Variants in ME1 observed in about 807,000 individuals in gnomAD.
ME1 encodes NADP-dependent malic enzyme.
A neutral mutation model predicts 66.4 loss-of-function variants in ME1; 74 were observed. That is an observed-to-expected ratio of 1.11 (90% CI 0.92 to 1.35). The LOEUF is 1.35. Ranked by LOEUF, ME1 falls within the 40% of genes most tolerant of loss-of-function variation. The pLI is 0.00. For synonymous variants in ME1, 251 were observed against 235.6 expected (o/e 1.07, Z -0.60); for missense variants, 750 against 694.1 (o/e 1.08, Z -0.90).
rs568902030 is a variant in ME1 at position 83,229,636 on chromosome 6, G to A, written c.1027-705C>T. On this transcript the variant is annotated intron_variant, in intron 9 of 13. Coordinates refer to ENST00000369705, the MANE Select transcript of ME1 (RefSeq NM_002395.6). The stretch of plus-strand genomic sequence containing the variant: ...ATAAGTATAGTCATTTTACATATGC[G>A]GAAACATGTTCAGAGGTTTTAAGGG... Among the ~76,000 whole-genome samples, 4 of 152,128 alleles carry A rather than the reference G, an allele frequency of 2.6e-5. No homozygotes were observed. The South Asian group carries it at 6.2e-4, about 24-fold the overall frequency.
At chr6:83,342,195 T>G (rs1422570949) in intron 5 of ME1, among the ~76,000 whole-genome samples, 1 of 152,240 alleles carries the variant, frequency 6.6e-6, no homozygotes, top group African/African-American at 2.4e-5. Context: ...AGCGGGTATT[T>G]GGACCTTAGA....
At chr6:83,308,708 A>T (rs1298036005) in intron 6 of ME1, among the ~76,000 whole-genome samples, 1 of 151,170 alleles carries the variant, frequency 6.6e-6, no homozygotes, top group African/African-American at 2.4e-5. Context: ...GAAACTAGGG[A>T]TATGGCAGTG....
In ME1 at chr6:83,211,414, T is replaced by C. The variant is rs1477046289; in HGVS notation, c.*510A>G. 6.6e-6 allele frequency: 1 copy of C among 152,660 alleles called. No individual in the cohort carries two copies. Among genetic ancestry groups the C allele is most frequent in the East Asian group, 1.9e-4 (1 of 5,200 alleles). The allele number at this position is 152,660 out of a possible 1,614,324, so 9.5% of individuals were successfully genotyped here. On this transcript the variant is annotated 3_prime_UTR_variant, in exon 14 of 14. Transcript: ENST00000369705. The stretch of plus-strand genomic sequence containing the variant: ...TAGAATTCCGTTGCACAAAAGAACA[T>C]ATATGATCTAGGACTGGAATAAAAA...
chr6:83,237,878 T>C (rs1287423269), intron 8 of ME1, 48 bp from the exon 9 acceptor site: 2 of 962,184 alleles, frequency 2.1e-6, no homozygotes, highest in South Asian at 1.7e-5. Context: ...CATGATATCT[T>C]ATTAAGGGTT....
chr6:83,367,476 CA>C (rs1030992441), intron 3 of ME1, among the ~76,000 whole-genome samples: 1 of 152,180 alleles, frequency 6.6e-6, no homozygotes, highest in Non-Finnish European at 1.5e-5. Context: ...GCGGTGTCTC[CA>C]TTGAAAATCT....
At chr6:83,348,366 G>A (rs544785017) in intron 4 of ME1, among the ~76,000 whole-genome samples, 5 of 152,164 alleles carry the variant, frequency 3.3e-5, no homozygotes, top group African/African-American at 7.2e-5. Context: ...TTTACATATC[G>A]TTGATAATAT....
intron 3 of ME1, among the ~76,000 whole-genome samples, chr6:83,357,266 C>G (rs910329295): frequency 1.3e-5 from 2 of 152,166 alleles, no homozygotes; most frequent in African/African-American, 2.4e-5. Context: ...GGCTTCTTTA[C>G]TGCAAAGTCA....
At chr6:83,416,137 T>C (rs1367996670) in intron 1 of ME1, among the ~76,000 whole-genome samples, 1 of 152,254 alleles carries the variant, frequency 6.6e-6, no homozygotes, top group African/African-American at 2.4e-5. Flanking sequence ...CCTCAATTAT[T>C]GCATCTGCTA....
chr6:83,397,254 A>G (rs922824102), intron 3 of ME1, among the ~76,000 whole-genome samples: 1 of 152,232 alleles, frequency 6.6e-6, no homozygotes, highest in African/African-American at 2.4e-5. Context: ...TTCAAAATAT[A>G]TAAGGAACTC....
intron 12 of ME1, among the ~76,000 whole-genome samples, chr6:83,217,602 T>A (rs1224032132): frequency 1.3e-5 from 2 of 152,096 alleles, no homozygotes; most frequent in Non-Finnish European, 2.9e-5. Flanking sequence ...CTTAGGCTAA[T>A]GGTGAAATGT....
At chr6:83,225,858 C>T (rs947241768) in intron 11 of ME1, among the ~76,000 whole-genome samples, 2 of 149,694 alleles carry the variant, frequency 1.3e-5, no homozygotes, top group African/African-American at 4.9e-5. Flanking sequence ...CCTGCACTCC[C>T]ACTCTTCCTG....
Position 83,384,841 on chromosome 6 carries a change from G to A in ME1, c.362+13526C>T, listed in dbSNP as rs533364570. 9.1e-4 allele frequency among the ~76,000 whole-genome samples: 138 copies of A among 151,890 alleles called. 1 individual carries two copies. Among genetic ancestry groups the A allele is most frequent in the African/African-American group, 3.2e-3 (134 of 41,392 alleles). ...GGGATTCTGTTTCAATATTCTACAT[G>A]TTGCTAGCCAGTTATCCTAGCACCA... is the stretch of plus-strand genomic sequence containing the variant. On this transcript the variant is annotated intron_variant, in intron 3 of 13. Transcript: ENST00000369705.
Position 83,266,576 on chromosome 6 carries a change from T to C in ME1, c.705-12838A>G, listed in dbSNP as rs16882847. Among the ~76,000 whole-genome samples, 898 of 152,332 alleles carry C rather than the reference T, an allele frequency of 5.9e-3. 23 individuals carry two copies. In the East Asian group the frequency reaches 0.06, roughly 10 times the overall value. On this transcript the variant is annotated intron_variant, in intron 6 of 13. Coordinates refer to ENST00000369705, the MANE Select transcript of ME1 (RefSeq NM_002395.6). ...ATTATTGTCTAACACTAATCAAAAT[T>C]AAATACTAATTAAAATATTATGTTC...
At chr6:83,412,346 C>T (rs543106599) in intron 1 of ME1, among the ~76,000 whole-genome samples, 18 of 152,164 alleles carry the variant, frequency 1.2e-4, no homozygotes, top group Admixed American at 1.0e-3. Flanking sequence ...ATATTTGAGG[C>T]TATGATTATA....
intron 12 of ME1, among the ~76,000 whole-genome samples, chr6:83,217,090 T>G (rs1029829293): frequency 2.0e-5 from 3 of 152,168 alleles, no homozygotes; most frequent in African/African-American, 7.2e-5. Flanking sequence ...GGATTTTAAT[T>G]TTACACAGAC....
intron 6 of ME1, among the ~76,000 whole-genome samples, chr6:83,293,158 C>A (rs1326443251): frequency 6.6e-6 from 1 of 152,110 alleles, no homozygotes. Context: ...CACCCACTGT[C>A]CAACCAGTCC....
chr6:83,330,580 T>C (rs958872517), intron 5 of ME1, among the ~76,000 whole-genome samples: 1 of 152,210 alleles, frequency 6.6e-6, no homozygotes, highest in African/African-American at 2.4e-5. Flanking sequence ...TTCGAACTTG[T>C]ATTATTAAGT....
intron 3 of ME1, among the ~76,000 whole-genome samples, chr6:83,357,623 G>A (rs770605731): frequency 2.0e-5 from 3 of 151,984 alleles, no homozygotes; most frequent in Non-Finnish European, 2.9e-5. Flanking sequence ...TATTTGAGTC[G>A]GTGGGCTGGG....
At chr6:83,411,267 G>A (rs920034577) in intron 1 of ME1, among the ~76,000 whole-genome samples, 1 of 152,100 alleles carries the variant, frequency 6.6e-6, no homozygotes, top group Non-Finnish European at 1.5e-5. Flanking sequence ...GGGAGGCTGA[G>A]GCAGAAGAAT....
Sources: gnomAD v4.1 joint callset for allele counts (sites outside exome capture counted in the v4.1 genomes callset) on GRCh38, gnomAD v4.1.1 for gene constraint, MANE v1.5 for transcripts, NCBI Gene and HGNC (gene_info 2026-07-23, HGNC 2026-07-21) for gene names.